Variants in GREB1 observed in about 807,000 individuals in gnomAD.
GREB1 encodes protein GREB1.
Under a neutral mutation model 200.7 loss-of-function variants are expected in GREB1, and 106 were observed. That is an observed-to-expected ratio of 0.53 (90% confidence interval 0.45 to 0.62). The LOEUF is 0.62. GREB1 is among the 20% of genes least tolerant of loss of function. GREB1 has a pLI of 0.00. For missense variants in GREB1, 2,243 were observed against 2,556.8 expected (o/e 0.88, Z 2.65); for synonymous variants, 1,132 against 1,092.4 (o/e 1.04, Z -0.72).
At position 11,640,218 on chromosome 2, in the gene GREB1, G is replaced by T; in HGVS notation, c.5687-73G>T. Reference sequence around the variant, plus strand: ...GCGCCCTGTCTTGTCATTGCAAGTAGAATCCGGGCAGCCGCTTTCCTCTGG... The same window carrying T: ...GCGCCCTGTCTTGTCATTGCAAGTATAATCCGGGCAGCCGCTTTCCTCTGG... On this transcript the variant is annotated intron_variant, in intron 32 of 32. Coordinates refer to ENST00000381486, the MANE Select transcript of GREB1 (RefSeq NM_014668.4). The surrounding 1 kb of genome is among the most constrained non-coding windows in gnomAD (Gnocchi z 4.6). 1 of 1,455,754 alleles carries T rather than the reference G, an allele frequency of 6.9e-7. No homozygotes were observed. The highest frequency in any genetic ancestry group is 1.3e-5 in the South Asian group (1 of 76,694). 90.2% of individuals were successfully genotyped at this position (1,455,754 alleles called of 1,614,324 possible).
At chr2:11,483,049 G>A (rs1672545512) in intron 1 of GREB1, among the ~76,000 whole-genome samples, 1 of 151,660 alleles carries the variant, frequency 6.6e-6, no homozygotes, top group Admixed American at 6.6e-5. Context: ...TCGGCGCCCG[G>A]CGGGGAAGGT....
At chr2:11,565,186 C>T (rs1413027838) in intron 3 of GREB1, among the ~76,000 whole-genome samples, 1 of 152,236 alleles carries the variant, frequency 6.6e-6, no homozygotes, top group Non-Finnish European at 1.5e-5. Flanking sequence ...CACTCAGCCT[C>T]TCTGAGCCTC....
At chr2:11,529,928 T>C (rs1161332596), upstream of GREB1, among the ~76,000 whole-genome samples, 1 of 152,232 alleles carries the variant, frequency 6.6e-6, no homozygotes, top group Non-Finnish European at 1.5e-5. Flanking sequence ...TTTCTTAGTT[T>C]AAAAGTTAAA....
intron 1 of GREB1, among the ~76,000 whole-genome samples, chr2:11,526,909 C>G (rs1673896648): frequency 6.6e-6 from 1 of 152,122 alleles, no homozygotes; most frequent in African/African-American, 2.4e-5. Flanking sequence ...TTCTAAATAA[C>G]ATATTTTGCT....
intron 1 of GREB1, among the ~76,000 whole-genome samples, chr2:11,552,025 G>A (rs905248984): frequency 6.6e-6 from 1 of 152,184 alleles, no homozygotes; most frequent in African/African-American, 2.4e-5. Flanking sequence ...CTTACTGTCC[G>A]TAACGAGCAA....
At chr2:11,522,612 G>A (rs780231675) in intron 1 of GREB1, among the ~76,000 whole-genome samples, 6 of 152,116 alleles carry the variant, frequency 3.9e-5, no homozygotes, top group South Asian at 4.1e-4. Context: ...TCTTACACCC[G>A]TGGCAGGTGT....
intron 1 of GREB1, among the ~76,000 whole-genome samples, chr2:11,519,778 G>A (rs1673643730): frequency 6.6e-6 from 1 of 151,940 alleles, no homozygotes; most frequent in Admixed American, 6.6e-5. Flanking sequence ...TAATTATTTA[G>A]CCTCTCACCC....
chr2:11,636,822 G>GGTTAGA (rs766764413), intron 30 of GREB1, among the ~76,000 whole-genome samples: 1 of 143,696 alleles, frequency 7.0e-6, no homozygotes. Context: ...ACAGAGGCAG[G>GGTTAGA]GGCAGGGACA....
At position 11,633,050 on chromosome 2, in the gene GREB1, G is replaced by C. The variant is rs978329273; in HGVS notation, c.4978G>C (p.Gly1660Arg). 1.2e-6 allele frequency: 2 copies of C among 1,613,966 alleles called. No homozygotes were observed. Among genetic ancestry groups the C allele is most frequent in the Admixed American group, 3.3e-5 (2 of 60,004 alleles). The change falls in exon 28 of 33, where the codon GGG (glycine) becomes CGG (arginine). Residue 1660 changes from glycine (G) to arginine (R), a missense_variant. This residue lies in a region of GREB1 where 478 missense variants were observed against 616.3 expected (regional missense o/e 0.78). Coordinates refer to ENST00000381486, the MANE Select transcript of GREB1 (RefSeq NM_014668.4). This position sits in a 1 kb window ranked among gnomAD's most constrained non-coding sequence, Gnocchi z 4.1. ...MWNVVDVNSA[G>R]ERSREFSWSE... ...GAACGTGGTGGATGTCAACTCTGCT[G>C]GGGAGAGAAGCAGGTGAGGTAACCT...
Position 11,567,992 on chromosome 2 carries a change from G to A in GREB1, c.454+1336G>A, listed in dbSNP as rs1370653382. Among the ~76,000 whole-genome samples, 3 of 152,308 alleles carry A rather than the reference G, an allele frequency of 2.0e-5. 1 individual carries two copies. The highest frequency in any genetic ancestry group is 1.5e-5 in the Non-Finnish European group (1 of 68,022). Reference sequence around the variant, plus strand: ...GACTGTGGGTCCGGCCCCTCCGTCTGGCCTGGCATCTTCTTTGGAGGAAAT... The same window carrying A: ...GACTGTGGGTCCGGCCCCTCCGTCTAGCCTGGCATCTTCTTTGGAGGAAAT... On this transcript the variant is annotated intron_variant, in intron 4 of 32. Coordinates refer to ENST00000381486, the MANE Select transcript of GREB1 (RefSeq NM_014668.4).
chr2:11,553,082 T>C (rs1399338898), intron 1 of GREB1, among the ~76,000 whole-genome samples: 1 of 152,132 alleles, frequency 6.6e-6, no homozygotes, highest in Non-Finnish European at 1.5e-5. Flanking sequence ...TAGTGGTATG[T>C]ACTTATTGTT....
intron 17 of GREB1, 60 bp from the exon 18 acceptor site, chr2:11,610,628 G>C: frequency 7.7e-7 from 1 of 1,301,220 alleles, no homozygotes; most frequent in Non-Finnish European, 1.1e-6. Flanking sequence ...TGGGTGACTT[G>C]GCAGCAGCAG....
chr2:11,639,036 C>G (rs13392716), intron 32 of GREB1, among the ~76,000 whole-genome samples: 34,376 of 152,068 alleles, frequency 0.23, 3,984 homozygotes, highest in Non-Finnish European at 0.25. Context: ...AGACACATCC[C>G]CCTTTCTTTT....
intron 30 of GREB1, 25 bp downstream of exon 30, chr2:11,635,430 C>A (rs1685232637): frequency 6.3e-7 from 1 of 1,583,410 alleles, no homozygotes; most frequent in Non-Finnish European, 8.6e-7. Context: ...GCTGGGCAGG[C>A]CTCTATGTCC....
chr2:11,536,954 T>C (rs1261702701), intron 1 of GREB1, among the ~76,000 whole-genome samples: 1 of 152,076 alleles, frequency 6.6e-6, no homozygotes, highest in African/African-American at 2.4e-5. Context: ...GTACCATAGA[T>C]ATTTTCTTTT....
At chr2:11,585,634 A>T in intron 8 of GREB1, 128 bp from the exon 9 acceptor site, 1 of 942,088 alleles carries the variant, frequency 1.1e-6, no homozygotes, top group South Asian at 1.6e-5. Flanking sequence ...TGACTCTAAG[A>T]GTTTGGTGCT....
At chr2:11,560,075 C>T (rs542146149) in intron 2 of GREB1, among the ~76,000 whole-genome samples, 11 of 152,298 alleles carry the variant, frequency 7.2e-5, no homozygotes, top group Admixed American at 3.3e-4. Flanking sequence ...CTGGAACTCC[C>T]GTGCAGCTCT....
chr2:11,589,043 G>A, intron 10 of GREB1, 112 bp downstream of exon 10: 1 of 789,452 alleles, frequency 1.3e-6, no homozygotes. Flanking sequence ...TGAAATACAT[G>A]GGGAGAGCTT....
At chr2:11,589,032 T>C in intron 10 of GREB1, 101 bp downstream of exon 10, 1 of 857,060 alleles carries the variant, frequency 1.2e-6, no homozygotes, top group Non-Finnish European at 1.9e-6. Flanking sequence ...GCTGCTGGAA[T>C]TGAAATACAT....
Sources: allele counts gnomAD v4.1 joint callset (sites outside exome capture counted in the v4.1 genomes callset), GRCh38; gene constraint gnomAD v4.1.1; regional missense constraint gnomAD v4.1.1; non-coding constraint Gnocchi (gnomAD v3.1); transcripts MANE v1.5; gene names NCBI Gene and HGNC (gene_info 2026-07-23, HGNC 2026-07-21).